FAM200B: variants seen among roughly 807,000 people sequenced by gnomAD.
FAM200B encodes protein FAM200B.
In FAM200B, 32 loss-of-function variants were observed where a neutral mutation model predicts 33.1. The observed-to-expected ratio is 0.97, with a 90% confidence interval of 0.73 to 1.30. The LOEUF is 1.30. Among genes scored for constraint, FAM200B ranks in the 50% most tolerant of loss-of-function variants. The probability of loss-of-function intolerance (pLI) is 0.00; values close to 1 mark genes in which losing one functional copy is unlikely to be tolerated. For missense variants in FAM200B, 741 were observed against 754.0 expected (o/e 0.98, Z 0.20); for synonymous variants, 240 against 264.8 (o/e 0.91, Z 0.91).
In FAM200B at chr4:15,688,834, G is replaced by A. The variant is rs370061923; in HGVS notation, c.1857G>A (p.Thr619=). 6.3e-5 allele frequency: 97 copies of A among 1,551,420 alleles called. No individual in the cohort carries two copies. Among genetic ancestry groups the A allele is most frequent in the East Asian group, 3.9e-4 (16 of 40,896 alleles). ...SLCELGFSIL[T]QLKTKERNGL... ...GTGAACTAGGGTTTTCCATCTTAAC[G>A]CAGTTAAAAACAAAGGAAAGAAATG... The change falls in exon 2 of 2, where the codon ACG becomes ACA. Residue 619 remains threonine, a synonymous_variant. Coordinates refer to ENST00000422728, the MANE Select transcript of FAM200B (RefSeq NM_001145191.2).
At chr4:15,679,573 A>C (rs1718129159), upstream of FAM200B, among the ~76,000 whole-genome samples, 1 of 151,498 alleles carries the variant, frequency 6.6e-6, no homozygotes, top group Non-Finnish European at 1.5e-5. Context: ...AAAAAAAAAA[A>C]AAAACAAAAA....
chr4:15,657,748 AT>A, the FAM200B span, among the ~76,000 whole-genome samples: 1 of 152,252 alleles, frequency 6.6e-6, no homozygotes, highest in East Asian at 1.9e-4. Flanking sequence ...TCCAAAATAA[AT>A]GACTGACTTT....
upstream of FAM200B, among the ~76,000 whole-genome samples, chr4:15,680,932 T>C (rs890982893): frequency 1.1e-4 from 17 of 148,692 alleles, no homozygotes; most frequent in South Asian, 3.6e-3. Context: ...AATATATATA[T>C]ATTCTCCTTT....
chr4:15,658,937 G>A, the FAM200B span, among the ~76,000 whole-genome samples: 8 of 152,184 alleles, frequency 5.3e-5, no homozygotes, highest in East Asian at 3.8e-4. Flanking sequence ...GCAGGAGCTT[G>A]AGATATAAAG....
At chr4:15,657,185 C>G in the FAM200B span, among the ~76,000 whole-genome samples, 1 of 152,166 alleles carries the variant, frequency 6.6e-6, no homozygotes, top group Non-Finnish European at 1.5e-5. Context: ...TTCTTTACCT[C>G]ATACTAATCT....
chr4:15,687,656 A>G lies in FAM200B; in HGVS notation c.679A>G (p.Ile227Val), dbSNP rs778729707. Residue 227 changes from isoleucine to valine, a missense_variant, in exon 2 of 2, where the codon ATC becomes GTC. Ile to Val is a conservative substitution (Grantham distance 29). Transcript: ENST00000422728. ...TRLQSGIDFA[I>V]QLDESTDIGS... is the part of the protein sequence containing the mutation. Reference sequence around the variant, plus strand: ...TTTACAGTCTGGTATAGATTTTGCAATCCAGCTTGATGAAAGCACTGATAT... The same window carrying G: ...TTTACAGTCTGGTATAGATTTTGCAGTCCAGCTTGATGAAAGCACTGATAT... 6.4e-6 allele frequency: 10 copies of G among 1,551,234 alleles called. No individual in the cohort carries two copies. The East Asian group carries it at 7.3e-5, about 11-fold the overall frequency.
chr4:15,688,814 C>T lies in FAM200B; in HGVS notation c.1837C>T (p.Leu613=), dbSNP rs1263549348. 34 of 1,551,216 alleles carry T rather than the reference C, an allele frequency of 2.2e-5. No homozygotes were observed. Among genetic ancestry groups the T allele is most frequent in the Non-Finnish European group, 1.7e-6 (2 of 1,146,834 alleles). The change falls in exon 2 of 2, where the codon CTA becomes TTA. Residue 613 remains leucine, a synonymous_variant. Transcript: ENST00000422728. ...LPFTTTSLCE[L]GFSILTQLKT... is the part of the protein sequence containing the mutation. ...ATTCACAACAACTAGTTTGTGTGAA[C>T]TAGGGTTTTCCATCTTAACGCAGTT...
chr4:15,643,080 A>T, the FAM200B span, among the ~76,000 whole-genome samples: 2 of 152,210 alleles, frequency 1.3e-5, no homozygotes, highest in Non-Finnish European at 2.9e-5. Context: ...ATGATACAAA[A>T]TTCAAAGAAT....
chr4:15,682,361 C>A (rs1055865882), intron 1 of FAM200B, among the ~76,000 whole-genome samples: 1 of 152,088 alleles, frequency 6.6e-6, no homozygotes, highest in Non-Finnish European at 1.5e-5. Context: ...TTTAAATAGA[C>A]GATTTTAGAC....
the FAM200B span, chr4:15,638,488 T>C: frequency 6.5e-7 from 1 of 1,532,416 alleles, no homozygotes. Flanking sequence ...TAAATTGTTC[T>C]TTATATATAT....
the FAM200B span, chr4:15,644,833 C>A: frequency 1.6e-6 from 1 of 641,770 alleles, no homozygotes; most frequent in Non-Finnish European, 2.6e-6. Flanking sequence ...GGTTAAAGTA[C>A]AAATAAAAGA....
chr4:15,669,700 A>T, the FAM200B span, among the ~76,000 whole-genome samples: 1 of 152,212 alleles, frequency 6.6e-6, no homozygotes, highest in African/African-American at 2.4e-5. Flanking sequence ...ACACTATGAA[A>T]AGTTATTTTT....
At chr4:15,637,845 T>TA in the FAM200B span, among the ~76,000 whole-genome samples, 8 of 151,570 alleles carry the variant, frequency 5.3e-5, no homozygotes, top group Non-Finnish European at 8.8e-5. Flanking sequence ...CTGCTGCCAC[T>TA]AATCTTGAAG....
the FAM200B span, among the ~76,000 whole-genome samples, chr4:15,654,059 A>G: frequency 6.6e-6 from 1 of 152,178 alleles, no homozygotes; most frequent in Admixed American, 6.5e-5. Flanking sequence ...TTGAAATTCA[A>G]CGTCACTGCT....
the FAM200B span, among the ~76,000 whole-genome samples, chr4:15,657,889 G>T: frequency 2.0e-5 from 3 of 152,066 alleles, no homozygotes; most frequent in Non-Finnish European, 4.4e-5. Context: ...AGACCTTTTT[G>T]GATGTATGAC....
chr4:15,688,966 A>G lies in FAM200B; in HGVS notation c.*15A>G. 1 of 1,401,528 alleles carries G rather than the reference A, an allele frequency of 7.1e-7. No homozygotes were observed. Among genetic ancestry groups the G allele is most frequent in the Non-Finnish European group, 9.3e-7 (1 of 1,070,642 alleles). 86.8% of individuals were successfully genotyped at this position (1,401,528 alleles called of 1,614,324 possible). A position where few individuals can be genotyped will look rare whatever the true frequency, so the allele number is the denominator to read the frequency against. On this transcript the variant is annotated 3_prime_UTR_variant, in exon 2 of 2. Coordinates refer to ENST00000422728, the MANE Select transcript of FAM200B (RefSeq NM_001145191.2). ...ACCCATCATAGTAAATAAAAATCTT[A>G]CCTAGCTTTTGTCTTTGTATTTCTT...
the FAM200B span, chr4:15,656,263 C>T: frequency 4.4e-6 from 2 of 456,222 alleles, no homozygotes; most frequent in African/African-American, 2.0e-5. Flanking sequence ...CATAAATCGC[C>T]TGGCCCTGGC....
chr4:15,669,723 A>G, the FAM200B span, among the ~76,000 whole-genome samples: 1 of 152,216 alleles, frequency 6.6e-6, no homozygotes, highest in African/African-American at 2.4e-5. Flanking sequence ...TAAATACTCA[A>G]TACTAGTTGG....
the FAM200B span, among the ~76,000 whole-genome samples, chr4:15,660,408 A>G: frequency 6.6e-6 from 1 of 152,172 alleles, no homozygotes. Context: ...AACTCAAAAC[A>G]GAGTACCAAA....
Sources: gnomAD v4.1 joint callset for allele counts (sites outside exome capture counted in the v4.1 genomes callset) on GRCh38, gnomAD v4.1.1 for gene constraint, MANE v1.5 for transcripts, NCBI Gene and HGNC (gene_info 2026-07-23, HGNC 2026-07-21) for gene names.